Variants in FARS2 observed in about 807,000 individuals in gnomAD.
FARS2 encodes phenylalanine--tRNA ligase, mitochondrial.
Under a neutral mutation model 46.4 loss-of-function variants are expected in FARS2, and 40 were observed. That is an observed-to-expected ratio of 0.86 (90% CI 0.67 to 1.12). The LOEUF (loss-of-function observed/expected upper bound fraction) is 1.12, where lower values mean the gene tolerates loss of function less well. Ranked by LOEUF, FARS2 falls within the 50% of genes most tolerant of loss-of-function variation. The pLI is 0.00. For synonymous variants in FARS2, 234 were observed against 214.9 expected, an observed-to-expected ratio of 1.09 and a Z score of -0.78; for missense variants, 513 against 567.9, an observed-to-expected ratio of 0.90 and a Z score of 0.98.
intron 6 of FARS2, among the ~76,000 whole-genome samples, chr6:5,745,845 A>G (rs112566772): frequency 7.2e-5 from 11 of 152,300 alleles, no homozygotes; most frequent in African/African-American, 2.4e-4. Context: ...CCACCAATCA[A>G]TAGATCTTTA....
At position 5,715,179 on chromosome 6, in the gene FARS2, G is replaced by A. The variant is rs374248634; in HGVS notation, c.1218-56112G>A. Among the ~76,000 whole-genome samples, 639 of 152,210 alleles carry A rather than the reference G, an allele frequency of 4.2e-3. 7 individuals are homozygous for A. The highest frequency in any genetic ancestry group is 0.015 in the African/African-American group (602 of 41,504). On this transcript the variant is annotated intron_variant, in intron 6 of 6. Transcript: ENST00000274680. Reference sequence around the variant, plus strand: ...TTTGAGGGAACTAGGGTTCAGACTGGTTAAATATCTTGCCCAGGGTCACAC... The same window carrying A: ...TTTGAGGGAACTAGGGTTCAGACTGATTAAATATCTTGCCCAGGGTCACAC...
chr6:5,372,300 A>G, intron 2 of FARS2, among the ~76,000 whole-genome samples: 1 of 152,294 alleles, frequency 6.6e-6, no homozygotes, highest in African/African-American at 2.4e-5. Context: ...TTTGATTTAT[A>G]TTTATTTTTA....
intron 2 of FARS2, among the ~76,000 whole-genome samples, chr6:5,376,896 A>T (rs1032892385): frequency 1.3e-5 from 2 of 152,230 alleles, no homozygotes; most frequent in Non-Finnish European, 2.9e-5. Flanking sequence ...ATATATGGAA[A>T]TAATAAACAC....
intron 6 of FARS2, among the ~76,000 whole-genome samples, chr6:5,656,197 A>T (rs1166542404): frequency 1.3e-5 from 2 of 152,138 alleles, no homozygotes; most frequent in African/African-American, 2.4e-5. Flanking sequence ...GTTGTTGTGG[A>T]TTCTTGCCTT....
At chr6:5,312,912 A>G (rs1421566444) in intron 1 of FARS2, among the ~76,000 whole-genome samples, 1 of 152,188 alleles carries the variant, frequency 6.6e-6, no homozygotes, top group East Asian at 1.9e-4. Flanking sequence ...TGTCAGGTCA[A>G]TGGGCAGTCC....
chr6:5,334,139 T>G (rs1770989601), intron 1 of FARS2, among the ~76,000 whole-genome samples: 1 of 152,346 alleles, frequency 6.6e-6, no homozygotes, highest in East Asian at 1.9e-4. Flanking sequence ...GTAGGACTTT[T>G]TTTAAAAGTC....
At chr6:5,605,674 G>T (rs1774793283) in intron 5 of FARS2, among the ~76,000 whole-genome samples, 1 of 152,156 alleles carries the variant, frequency 6.6e-6, no homozygotes, top group South Asian at 2.1e-4. Context: ...CTGACCTTGG[G>T]GTGTCAGCCA....
chr6:5,752,886 G>A (rs540644680), intron 6 of FARS2, among the ~76,000 whole-genome samples: 1 of 152,008 alleles, frequency 6.6e-6, no homozygotes, highest in Non-Finnish European at 1.5e-5. Context: ...CCCCCCCCAG[G>A]TCTCTCTCCC....
chr6:5,554,984 G>A (rs1027604846), intron 5 of FARS2, among the ~76,000 whole-genome samples: 1 of 152,072 alleles, frequency 6.6e-6, no homozygotes, highest in African/African-American at 2.4e-5. Context: ...TATGTAATAT[G>A]GTTTGGCTCT....
chr6:5,309,323 T>C (rs941409882), intron 1 of FARS2, among the ~76,000 whole-genome samples: 2 of 152,112 alleles, frequency 1.3e-5, no homozygotes, highest in Non-Finnish European at 2.9e-5. Flanking sequence ...AGGGATGGGG[T>C]ACTCTTTACA....
In FARS2 at chr6:5,333,671, T is replaced by C. The variant is rs1770952555; in HGVS notation, c.-21-34879T>C. On this transcript the variant is annotated intron_variant, in intron 1 of 6. Transcript: ENST00000274680. ...CTGAATTGGTGGTGGCTGAGTATAA[T>C]TGAGTTTCCTACACTTTAAAAACTG... is the stretch of plus-strand genomic sequence containing the variant. Among the ~76,000 whole-genome samples the C allele has an allele frequency of 2.0e-5, 3 of 152,200 alleles. No individual in the cohort carries two copies. In the South Asian group the frequency reaches 6.2e-4, roughly 31 times the overall value.
chr6:5,292,794 T>C lies in FARS2; in HGVS notation c.-22+31134T>C, dbSNP rs375820699. Among the ~76,000 whole-genome samples the C allele has an allele frequency of 5.9e-5, 9 of 152,190 alleles. No individual in the cohort carries two copies. In the South Asian group the frequency reaches 1.5e-3, roughly 25 times the overall value. On this transcript the variant is annotated intron_variant, in intron 1 of 6. Transcript: ENST00000274680. The stretch of plus-strand genomic sequence containing the variant: ...AATTCAAGCCTATTATATTTGTAGG[T>C]AGATGAGACCAAAAAAGGATATGTA...
intron 6 of FARS2, among the ~76,000 whole-genome samples, chr6:5,647,042 G>C (rs1777115685): frequency 6.6e-6 from 1 of 152,146 alleles, no homozygotes; most frequent in Non-Finnish European, 1.5e-5. Flanking sequence ...TGAAGGCATA[G>C]GAGCAGGAGA....
intron 4 of FARS2, among the ~76,000 whole-genome samples, chr6:5,441,797 G>C (rs1192108606): frequency 6.6e-6 from 1 of 152,188 alleles, no homozygotes; most frequent in Non-Finnish European, 1.5e-5. Context: ...CAGCACTTAC[G>C]AGCATCTTTG....
intron 4 of FARS2, among the ~76,000 whole-genome samples, chr6:5,526,585 A>G (rs1769478440): frequency 6.6e-6 from 1 of 152,120 alleles, no homozygotes; most frequent in South Asian, 2.1e-4. Context: ...GAAAGCCACT[A>G]TTATGCCTGG....
At chr6:5,488,886 T>A (rs952030668) in intron 4 of FARS2, among the ~76,000 whole-genome samples, 1 of 152,194 alleles carries the variant, frequency 6.6e-6, no homozygotes, top group Non-Finnish European at 1.5e-5. Flanking sequence ...TTTCTTTTAA[T>A]GTTTTCAGTC....
chr6:5,500,935 AGAG>A lies in FARS2; in HGVS notation c.905-44244_905-44242del, dbSNP rs1372046331. On this transcript the variant is annotated intron_variant, in intron 4 of 6. Transcript: ENST00000274680. ...ATTCCAGTCAAGCTTCAAATCCCCG[AGAG>A]AGAGAGAGAGAGAGAGAGAGAGAGA... is the stretch of plus-strand genomic sequence containing the variant. 7.5e-4 allele frequency among the ~76,000 whole-genome samples: 4 copies of A among 5,360 alleles called. No homozygotes were observed. In the African/African-American group the frequency reaches 0.012, roughly 16 times the overall value. 3.5% of individuals were successfully genotyped at this position (5,360 alleles called of 152,430 possible).
intron 2 of FARS2, among the ~76,000 whole-genome samples, chr6:5,396,059 T>C (rs1760881390): frequency 6.6e-6 from 1 of 152,088 alleles, no homozygotes; most frequent in African/African-American, 2.4e-5. Context: ...AAAATTGTTA[T>C]TGCTTGCTAA....
At chr6:5,680,237 G>T (rs190752663) in intron 6 of FARS2, among the ~76,000 whole-genome samples, 151 of 152,290 alleles carry the variant, frequency 9.9e-4, no homozygotes, top group East Asian at 4.1e-3. Context: ...TTGTACTTCA[G>T]TGAAGGTGCC....
Sources: gnomAD v4.1 joint callset for allele counts (sites outside exome capture counted in the v4.1 genomes callset) on GRCh38, gnomAD v4.1.1 for gene constraint, MANE v1.5 for transcripts, NCBI Gene and HGNC (gene_info 2026-07-23, HGNC 2026-07-21) for gene names.